Variants in NEK10 observed in about 807,000 individuals in gnomAD.
NEK10 encodes serine/threonine-protein kinase Nek10.
A neutral mutation model predicts 159.8 loss-of-function variants in NEK10; 122 were observed. That is an observed-to-expected ratio of 0.76 (90% CI 0.66 to 0.89). The LOEUF is 0.89. Ranked by LOEUF, NEK10 falls within the 40% of genes least tolerant of loss-of-function variation. The pLI is 0.00. For missense variants in NEK10, 1,342 were observed against 1,323.1 expected, an observed-to-expected ratio of 1.01 and a Z score of -0.22; for synonymous variants, 466 against 457.1, an observed-to-expected ratio of 1.02 and a Z score of -0.25.
At chr3:27,252,802 T>G in intron 23 of NEK10, 1 of 451,526 alleles carries the variant, frequency 2.2e-6, no homozygotes. Flanking sequence ...ATGAAACAGC[T>G]AGGAATTGTT....
chr3:27,325,525 C>G (rs1299384812), intron 5 of NEK10, among the ~76,000 whole-genome samples: 1 of 152,140 alleles, frequency 6.6e-6, no homozygotes, highest in Non-Finnish European at 1.5e-5. Context: ...AAATTCAACT[C>G]TGCCCCCAAA....
chr3:27,292,040 C>T (rs572881946), intron 16 of NEK10, among the ~76,000 whole-genome samples: 1 of 152,032 alleles, frequency 6.6e-6, no homozygotes, highest in Non-Finnish European at 1.5e-5. Flanking sequence ...ATAATATTCC[C>T]CAACTTATCT....
At chr3:27,211,122 T>G (rs1175525712) in intron 23 of NEK10, among the ~76,000 whole-genome samples, 4 of 152,180 alleles carry the variant, frequency 2.6e-5, no homozygotes, top group Admixed American at 2.6e-4. Flanking sequence ...AAATGATGAG[T>G]CAAATCAGAC....
chr3:27,226,548 A>G (rs1952666111), intron 23 of NEK10, among the ~76,000 whole-genome samples: 1 of 152,160 alleles, frequency 6.6e-6, no homozygotes, highest in African/African-American at 2.4e-5. Context: ...AAGTGGGCTA[A>G]ATGCTTTTTA....
intron 23 of NEK10, 152 bp from the exon 24 acceptor site, chr3:27,202,709 G>T: frequency 9.4e-7 from 1 of 1,059,854 alleles, no homozygotes; most frequent in Non-Finnish European, 1.3e-6. Flanking sequence ...AAGTCTGTTT[G>T]AAATTTCCCA....
intron 22 of NEK10, among the ~76,000 whole-genome samples, chr3:27,280,209 T>A (rs2042059947): frequency 7.0e-6 from 1 of 142,618 alleles, no homozygotes; most frequent in Non-Finnish European, 1.5e-5. Context: ...GATATTCCAA[T>A]AAATGTGTGG....
At chr3:27,184,624 T>A (rs755205306) in intron 26 of NEK10, among the ~76,000 whole-genome samples, 17 of 152,362 alleles carry the variant, frequency 1.1e-4, no homozygotes, top group Admixed American at 6.5e-4. Flanking sequence ...AGGAAGCCTA[T>A]AAGGCATTGC....
chr3:27,263,044 C>A (rs1439634597), intron 22 of NEK10, among the ~76,000 whole-genome samples: 2 of 152,194 alleles, frequency 1.3e-5, no homozygotes, highest in Non-Finnish European at 2.9e-5. Flanking sequence ...CAGTCAGGAC[C>A]CTCAGCTGCA....
chr3:27,133,973 T>C (rs919255724), intron 31 of NEK10, among the ~76,000 whole-genome samples: 1 of 151,204 alleles, frequency 6.6e-6, no homozygotes, highest in Middle Eastern at 3.4e-3. Flanking sequence ...ATGGGATCCC[T>C]TCCTCGGCTC....
At chr3:27,122,895 A>G (rs1295455068) in intron 32 of NEK10, among the ~76,000 whole-genome samples, 1 of 152,106 alleles carries the variant, frequency 6.6e-6, no homozygotes, top group Admixed American at 6.6e-5. Context: ...TTTCATTTCC[A>G]GTGCTTATGT....
In NEK10 at chr3:27,281,117, A is replaced by G. The variant is rs182027963; in HGVS notation, c.2014+3485T>C. On this transcript the variant is annotated intron_variant, in intron 22 of 35. Coordinates refer to ENST00000691995, the MANE Select transcript of NEK10 (RefSeq NM_001394966.1). ...TATGATAATATAAATTTAATATTCA[A>G]TGGAATGGAAAAGAAAGTTGAAGAA... Among the ~76,000 whole-genome samples, 36 of 152,182 alleles carry G rather than the reference A, an allele frequency of 2.4e-4. No individual in the cohort carries two copies. In the East Asian group the frequency reaches 5.6e-3, roughly 24 times the overall value.
chr3:27,298,151 A>G (rs1036132945), intron 13 of NEK10, among the ~76,000 whole-genome samples: 4 of 152,170 alleles, frequency 2.6e-5, no homozygotes, highest in Non-Finnish European at 5.9e-5. Context: ...AGGTATTAAC[A>G]TGGTTTGGCT....
At chr3:27,128,414 C>T (rs1405278211) in intron 32 of NEK10, among the ~76,000 whole-genome samples, 2 of 152,126 alleles carry the variant, frequency 1.3e-5, no homozygotes, top group African/African-American at 4.8e-5. Flanking sequence ...TAGGTGCTAT[C>T]ATTTAAACAG....
chr3:27,166,602 G>A (rs1946507745), intron 29 of NEK10, among the ~76,000 whole-genome samples: 1 of 152,138 alleles, frequency 6.6e-6, no homozygotes, highest in Admixed American at 6.5e-5. Flanking sequence ...AAATACACGA[G>A]GTCTTTCCAG....
intron 23 of NEK10, among the ~76,000 whole-genome samples, chr3:27,229,019 C>T (rs1017128737): frequency 3.3e-5 from 5 of 152,132 alleles, no homozygotes; most frequent in Non-Finnish European, 7.3e-5. Flanking sequence ...GGTTCCTACT[C>T]AGGGATACCC....
At chr3:27,140,380 C>T (rs1220161860) in intron 31 of NEK10, among the ~76,000 whole-genome samples, 1 of 152,126 alleles carries the variant, frequency 6.6e-6, no homozygotes, top group Non-Finnish European at 1.5e-5. Flanking sequence ...CATTTTCCTC[C>T]AAACCTCCCC....
At chr3:27,140,526 A>G (rs1176573165) in intron 31 of NEK10, among the ~76,000 whole-genome samples, 3 of 152,164 alleles carry the variant, frequency 2.0e-5, no homozygotes, top group African/African-American at 7.2e-5. Context: ...ACTGTGGTAC[A>G]CCATTTTTAA....
chr3:27,161,812 C>A, intron 30 of NEK10, among the ~76,000 whole-genome samples: 1 of 152,238 alleles, frequency 6.6e-6, no homozygotes, highest in African/African-American at 2.4e-5. Flanking sequence ...CAAGGCCAGC[C>A]TGGCCACCAT....
intron 6 of NEK10, 118 bp from the exon 7 acceptor site, chr3:27,314,456 A>T: frequency 4.5e-6 from 3 of 672,034 alleles, no homozygotes; most frequent in South Asian, 3.6e-5. Context: ...GAAGGTCTAC[A>T]TTCTAATATA....
Sources: gnomAD v4.1 joint callset for allele counts (sites outside exome capture counted in the v4.1 genomes callset) on GRCh38, gnomAD v4.1.1 for gene constraint, MANE v1.5 for transcripts, NCBI Gene and HGNC (gene_info 2026-07-23, HGNC 2026-07-21) for gene names.